The following DNAAF11 variants were observed in gnomAD, a reference collection of about 807,000 sequenced individuals.
DNAAF11 encodes the protein leucine rich repeat containing 6.
DNAAF11 carries 45 observed loss-of-function variants against 60.8 expected under a neutral mutation model. The observed-to-expected ratio is 0.74, with a 90% CI of 0.58 to 0.95. The LOEUF (loss-of-function observed/expected upper bound fraction) is 0.95, where lower values mean the gene tolerates loss of function less well. Among genes scored for constraint, DNAAF11 ranks in the 40% least tolerant of loss-of-function variants. The pLI is 0.00. For missense variants in DNAAF11, 546 were observed against 546.2 expected (o/e 1.00, Z 0.00); for synonymous variants, 191 against 183.5 (o/e 1.04, Z -0.33).
intron 10 of DNAAF11, among the ~76,000 whole-genome samples, chr8:132,596,240 T>G (rs774378660): frequency 1.3e-5 from 2 of 152,190 alleles, no homozygotes; most frequent in Non-Finnish European, 2.9e-5. Context: ...CTAATATTTA[T>G]ATTATGAGGA....
At chr8:132,648,171 G>A (rs1586686121) in intron 3 of DNAAF11, among the ~76,000 whole-genome samples, 1 of 152,130 alleles carries the variant, frequency 6.6e-6, no homozygotes, top group Non-Finnish European at 1.5e-5. Context: ...ATGATCAAGT[G>A]GGCTTCATCC....
chr8:132,665,475 C>A (rs775944349), intron 1 of DNAAF11, among the ~76,000 whole-genome samples: 8 of 151,550 alleles, frequency 5.3e-5, no homozygotes, highest in Non-Finnish European at 1.0e-4. Flanking sequence ...ACAAAAGTGC[C>A]CAGCAAACTT....
chr8:132,673,022 AGGAGATGTTAGCAAGAG>A (rs1348944987), intron 1 of DNAAF11, among the ~76,000 whole-genome samples: 1 of 152,228 alleles, frequency 6.6e-6, no homozygotes, highest in East Asian at 1.9e-4. Context: ...AGGAGCAGTC[AGGAGATGTTAGCAAGAG>A]GCAGAAGGCC....
At chr8:132,581,577 G>C (rs1208175579) in intron 11 of DNAAF11, among the ~76,000 whole-genome samples, 2 of 150,720 alleles carry the variant, frequency 1.3e-5, no homozygotes, top group Non-Finnish European at 2.9e-5. Context: ...TTGAATCCAG[G>C]AGGCAGAGGT....
chr8:132,683,635 G>T, the DNAAF11 span, among the ~76,000 whole-genome samples: 1 of 152,194 alleles, frequency 6.6e-6, no homozygotes, highest in South Asian at 2.1e-4. Context: ...AGCCTCAGTG[G>T]GAGGAGACCA....
At chr8:132,604,446 C>T (rs932752565) in intron 10 of DNAAF11, among the ~76,000 whole-genome samples, 2 of 152,104 alleles carry the variant, frequency 1.3e-5, no homozygotes, top group African/African-American at 2.4e-5. Flanking sequence ...TGGCAACTTC[C>T]TTAATCTCAG....
At chr8:132,584,148 G>A (rs1009430959) in intron 10 of DNAAF11, among the ~76,000 whole-genome samples, 1 of 152,144 alleles carries the variant, frequency 6.6e-6, no homozygotes, top group African/African-American at 2.4e-5. Context: ...AGTGGAAAGT[G>A]GAAAGCACTC....
chr8:132,629,341 C>CTT (rs71299026), intron 5 of DNAAF11, among the ~76,000 whole-genome samples: 40 of 147,978 alleles, frequency 2.7e-4, no homozygotes, highest in Non-Finnish European at 5.1e-4. Flanking sequence ...TACCCATTCT[C>CTT]TTTTTTTTTT....
intron 8 of DNAAF11, among the ~76,000 whole-genome samples, chr8:132,614,451 G>T (rs78377297): frequency 0.015 from 2,239 of 152,300 alleles, 67 homozygotes; most frequent in African/African-American, 0.051. Flanking sequence ...GAGAAGAAGG[G>T]GATACAGGCT....
chr8:132,653,432 T>G (rs1363916590), intron 3 of DNAAF11, among the ~76,000 whole-genome samples: 1 of 152,040 alleles, frequency 6.6e-6, no homozygotes, highest in Non-Finnish European at 1.5e-5. Flanking sequence ...AGGGAGAAAC[T>G]CAAATGCATT....
At chr8:132,606,965 G>A (rs1038307165) in intron 10 of DNAAF11, among the ~76,000 whole-genome samples, 2 of 152,196 alleles carry the variant, frequency 1.3e-5, no homozygotes, top group Non-Finnish European at 2.9e-5. Flanking sequence ...TGTTACAGTT[G>A]TTTATTGTTG....
At chr8:132,691,394 C>T in the DNAAF11 span, among the ~76,000 whole-genome samples, 1 of 152,084 alleles carries the variant, frequency 6.6e-6, no homozygotes, top group African/African-American at 2.4e-5. Context: ...ACAAGACAGC[C>T]CAGGCTCATC....
chr8:132,673,720 A>G (rs933875192), intron 1 of DNAAF11, among the ~76,000 whole-genome samples: 1 of 151,904 alleles, frequency 6.6e-6, no homozygotes, highest in Non-Finnish European at 1.5e-5. Context: ...TCCTCAGAGA[A>G]GCCTCCACCC....
At chr8:132,669,752 T>C (rs1471772418) in intron 1 of DNAAF11, among the ~76,000 whole-genome samples, 1 of 152,004 alleles carries the variant, frequency 6.6e-6, no homozygotes, top group Non-Finnish European at 1.5e-5. Context: ...ATACAAAACA[T>C]ACAAAAGTAA....
At chr8:132,622,523 C>T (rs1191803440) in intron 7 of DNAAF11, 88 bp downstream of exon 7, 3 of 961,478 alleles carry the variant, frequency 3.1e-6, no homozygotes, top group Non-Finnish European at 3.3e-6. Context: ...ATATTCTTTG[C>T]AGAGCAAACC....
chr8:132,619,398 T>C (rs112019211), intron 7 of DNAAF11, among the ~76,000 whole-genome samples: 11,269 of 152,000 alleles, frequency 0.074, 1,131 homozygotes, highest in African/African-American at 0.23. Flanking sequence ...TGTATACATA[T>C]GTAACTGACC....
intron 3 of DNAAF11, among the ~76,000 whole-genome samples, chr8:132,652,696 A>C (rs1823138876): frequency 6.6e-6 from 1 of 152,160 alleles, no homozygotes; most frequent in Admixed American, 6.5e-5. Context: ...CAAGAACAGA[A>C]AACCAAACAC....
chr8:132,640,553 T>C (rs1586662766), intron 3 of DNAAF11, among the ~76,000 whole-genome samples: 1 of 152,176 alleles, frequency 6.6e-6, no homozygotes, highest in Non-Finnish European at 1.5e-5. Context: ...AATACCATCA[T>C]TATTTTGGTT....
At chr8:132,643,539 T>A (rs1479183222) in intron 3 of DNAAF11, 1 of 423,446 alleles carries the variant, frequency 2.4e-6, no homozygotes, top group African/African-American at 2.0e-5. Flanking sequence ...TCCCCGTAAA[T>A]GGGTCCGTAT....
Sources: gnomAD v4.1 joint callset for allele counts (sites outside exome capture counted in the v4.1 genomes callset) on GRCh38, gnomAD v4.1.1 for gene constraint, MANE v1.5 for transcripts, NCBI Gene and HGNC (gene_info 2026-07-23, HGNC 2026-07-21) for gene names.